GAD2: variants seen among roughly 807,000 people sequenced by gnomAD.
The protein encoded by GAD2 is glutamate decarboxylase 2, also known as 65 kDa glutamic acid decarboxylase.
In GAD2, 22 loss-of-function variants were observed where a neutral mutation model predicts 80.1. That is an observed-to-expected ratio of 0.27 (90% CI 0.20 to 0.39). The LOEUF (loss-of-function observed/expected upper bound fraction) is 0.39. Among genes scored for constraint, GAD2 ranks in the 10% least tolerant of loss-of-function variants. The pLI is 1.00. For synonymous variants in GAD2, 274 were observed against 256.9 expected (o/e 1.07, Z -0.64); for missense variants, 624 against 738.4 (o/e 0.85, Z 1.80).
At chr10:26,235,971 G>A (rs74423269) in intron 7 of GAD2, among the ~76,000 whole-genome samples, 3,815 of 152,186 alleles carry the variant, frequency 0.025, 173 homozygotes, top group African/African-American at 0.085. Context: ...GCAAATCACC[G>A]TAACTAATTC....
intron 7 of GAD2, among the ~76,000 whole-genome samples, chr10:26,230,591 T>C (rs761295877): frequency 1.3e-5 from 2 of 152,134 alleles, no homozygotes; most frequent in Non-Finnish European, 2.9e-5. Context: ...TGTATCACCA[T>C]GGCTGACTAA....
At chr10:26,245,331 C>T (rs1215423579) in intron 7 of GAD2, among the ~76,000 whole-genome samples, 1 of 151,486 alleles carries the variant, frequency 6.6e-6, no homozygotes, top group African/African-American at 2.4e-5. Flanking sequence ...ACACGTTTAC[C>T]TATGTAACAA....
intron 8 of GAD2, among the ~76,000 whole-genome samples, chr10:26,257,102 G>A (rs1024282948): frequency 6.6e-6 from 1 of 152,140 alleles, no homozygotes; most frequent in East Asian, 1.9e-4. Flanking sequence ...GCTCGGCTGG[G>A]TGCGGTGGCT....
At chr10:26,244,566 T>G (rs568832475) in intron 7 of GAD2, among the ~76,000 whole-genome samples, 2 of 152,116 alleles carry the variant, frequency 1.3e-5, no homozygotes, top group Non-Finnish European at 2.9e-5. Context: ...AGGAAGGAAA[T>G]TCTCACACAT....
chr10:26,233,893 G>A (rs149767848), intron 7 of GAD2, among the ~76,000 whole-genome samples: 142 of 152,220 alleles, frequency 9.3e-4, no homozygotes, highest in Non-Finnish European at 1.4e-3. Flanking sequence ...ACGCTGCTTC[G>A]GGTGTTCTCT....
At chr10:26,259,991 T>A (rs1434856941) in intron 8 of GAD2, among the ~76,000 whole-genome samples, 1 of 152,200 alleles carries the variant, frequency 6.6e-6, no homozygotes, top group African/African-American at 2.4e-5. Flanking sequence ...TAAAAGAACC[T>A]AGATATAATC....
chr10:26,252,113 T>C (rs1261229203), intron 8 of GAD2, among the ~76,000 whole-genome samples: 1 of 152,178 alleles, frequency 6.6e-6, no homozygotes, highest in East Asian at 1.9e-4. Flanking sequence ...CATTCAGCCT[T>C]CCCAAAACAC....
chr10:26,294,379 C>T (rs1356006218), intron 15 of GAD2, among the ~76,000 whole-genome samples: 1 of 152,236 alleles, frequency 6.6e-6, no homozygotes, highest in Non-Finnish European at 1.5e-5. Context: ...CAAGATCAAA[C>T]TCCTCATCGG....
intron 6 of GAD2, among the ~76,000 whole-genome samples, chr10:26,225,163 G>A (rs983291520): frequency 2.6e-5 from 4 of 152,188 alleles, no homozygotes; most frequent in African/African-American, 7.2e-5. Flanking sequence ...AACGCTTTGG[G>A]AGAGAATTTC....
At chr10:26,271,223 A>T (rs143599077) in intron 10 of GAD2, among the ~76,000 whole-genome samples, 53 of 152,356 alleles carry the variant, frequency 3.5e-4, no homozygotes, top group African/African-American at 1.2e-3. Flanking sequence ...AGAGGAAAAT[A>T]GGCTTGACAA....
chr10:26,230,144 G>T (rs1030261285), intron 7 of GAD2, among the ~76,000 whole-genome samples: 3 of 151,964 alleles, frequency 2.0e-5, no homozygotes, highest in Non-Finnish European at 4.4e-5. Context: ...CTCCAGCCTG[G>T]ATGAAAGAGC....
At chr10:26,270,444 A>G (rs1564667492) in intron 9 of GAD2, among the ~76,000 whole-genome samples, 196 bp from the exon 10 acceptor site, 1 of 152,216 alleles carries the variant, frequency 6.6e-6, no homozygotes, top group Non-Finnish European at 1.5e-5. Context: ...CAGGTCCAAC[A>G]GCATAGCCTA....
At chr10:26,224,683 T>C (rs777214131) in intron 6 of GAD2, 32 bp downstream of exon 6, 1 of 1,485,804 alleles carries the variant, frequency 6.7e-7, no homozygotes, top group Non-Finnish European at 9.4e-7. Flanking sequence ...TTTGTGTTTT[T>C]TCTTCTAATA....
intron 11 of GAD2, 149 bp downstream of exon 11, chr10:26,273,849 C>T (rs1358156780): frequency 1.6e-6 from 1 of 611,270 alleles, no homozygotes; most frequent in Non-Finnish European, 2.9e-6. Flanking sequence ...GTATTACACT[C>T]ATGAATGTGG....
chr10:26,292,397 G>C lies in GAD2; in HGVS notation c.1387-68G>C, dbSNP rs1432925588. 4.4e-6 allele frequency: 5 copies of C among 1,139,544 alleles called. No individual in the cohort carries two copies. The Admixed American group carries it at 8.8e-5, about 20-fold the overall frequency. 70.6% of individuals were successfully genotyped at this position (1,139,544 alleles called of 1,614,324 possible). A position where few individuals can be genotyped will look rare whatever the true frequency, so the allele number is the denominator to read the frequency against. The stretch of plus-strand genomic sequence containing the variant: ...GACAGAGACGGCAGGATGACGGTCA[G>C]TCTCCAGGGAAATCGCTTCCTCCGC... On this transcript the variant is annotated intron_variant, in intron 13 of 15. Coordinates refer to ENST00000376261, the MANE Select transcript of GAD2 (RefSeq NM_001134366.2).
intron 4 of GAD2, among the ~76,000 whole-genome samples, chr10:26,220,510 G>C (rs898135620): frequency 6.6e-6 from 1 of 152,176 alleles, no homozygotes; most frequent in Non-Finnish European, 1.5e-5. Context: ...TCAAAGTCAG[G>C]CTATGGAATA....
chr10:26,267,502 C>A (rs1232551002), intron 8 of GAD2, among the ~76,000 whole-genome samples: 1 of 152,212 alleles, frequency 6.6e-6, no homozygotes, highest in African/African-American at 2.4e-5. Flanking sequence ...CCACATCACC[C>A]TCCCTTCCCT....
At chr10:26,294,424 A>G (rs1834251826) in intron 15 of GAD2, among the ~76,000 whole-genome samples, 1 of 152,206 alleles carries the variant, frequency 6.6e-6, no homozygotes, top group Non-Finnish European at 1.5e-5. Context: ...TCTTTAAACC[A>G]AGCCTCCTAA....
rs11351928 is a variant in GAD2 at position 26,285,768 on chromosome 10, G to GT, written c.1237-563dup. ...TTCACCTCAAAATTGCAATATGTGGGTTTTTTTTTTTTTTAGATTTTAGCA... is the reference window on the plus strand; with the variant it reads ...TTCACCTCAAAATTGCAATATGTGGGTTTTTTTTTTTTTTTAGATTTTAGCA... On this transcript the variant is annotated intron_variant, in intron 12 of 15. Transcript: ENST00000376261. Among the ~76,000 whole-genome samples, 697 of 145,108 alleles carry GT rather than the reference G, an allele frequency of 4.8e-3. 10 individuals are homozygous for GT. Among genetic ancestry groups the GT allele is most frequent in the Middle Eastern group, 3.5e-3 (1 of 286 alleles).
Sources: allele counts gnomAD v4.1 joint callset (sites outside exome capture counted in the v4.1 genomes callset), GRCh38; gene constraint gnomAD v4.1.1; transcripts MANE v1.5; gene names NCBI Gene and HGNC (gene_info 2026-07-23, HGNC 2026-07-21).